The following SMAP2 variants were observed in gnomAD, a reference collection of about 807,000 sequenced individuals.
The protein encoded by SMAP2 is small ArfGAP2.
Under a neutral mutation model 56.4 loss-of-function variants are expected in SMAP2, and 25 were observed. That is an observed-to-expected ratio of 0.44 (90% confidence interval 0.32 to 0.62). The LOEUF (loss-of-function observed/expected upper bound fraction) is 0.62. Ranked by LOEUF, SMAP2 falls within the 20% of genes least tolerant of loss-of-function variation. SMAP2 has a pLI of 0.04. For synonymous variants in SMAP2, 157 were observed against 181.7 expected, an observed-to-expected ratio of 0.86 and a Z score of 1.09; for missense variants, 388 against 545.6, an observed-to-expected ratio of 0.71 and a Z score of 2.88.
In SMAP2 at chr1:40,374,273, G is replaced by C; in HGVS notation, c.103+50G>C. 6.7e-7 allele frequency: 1 copy of C among 1,500,242 alleles called. No individual in the cohort carries two copies. The highest frequency in any genetic ancestry group is 1.4e-5 in the African/African-American group (1 of 72,898). The allele number at this position is 1,500,242 out of a possible 1,614,324, so 92.9% of individuals were successfully genotyped here. On this transcript the variant is annotated intron_variant, in intron 1 of 9. Coordinates refer to ENST00000372718, the MANE Select transcript of SMAP2 (RefSeq NM_022733.3). The surrounding 1 kb of genome is among the most constrained non-coding windows in gnomAD (Gnocchi z 5.9). ...AGGGGTCCAGCCGCGCCGGGGTGGTGGGGGTGGGCTGCGTGAAGAGGCGGT... is the reference window on the plus strand; with the variant it reads ...AGGGGTCCAGCCGCGCCGGGGTGGTCGGGGTGGGCTGCGTGAAGAGGCGGT...
Position 40,406,803 on chromosome 1 carries a change from T to A in SMAP2, c.171T>A (p.Asn57Lys). The A allele has an allele frequency of 6.2e-7, 1 of 1,614,108 alleles. No homozygotes were observed. The highest frequency in any genetic ancestry group is 8.5e-7 in the Non-Finnish European group (1 of 1,179,972). The part of the protein sequence containing the change: ...ICIRCAGIHR[N>K]LGVHISRVKS... ...TTCGATGTGCTGGAATCCACAGGAA[T>A]CTGGGGGTGCACATATCCAGGGTAA... Residue 57 changes from asparagine (N) to lysine (K), a missense_variant, in exon 2 of 10, where the codon AAT (asparagine) becomes AAA (lysine). Transcript: ENST00000372718.
chr1:40,410,493 T>A (rs552871974), intron 4 of SMAP2, among the ~76,000 whole-genome samples: 4 of 151,986 alleles, frequency 2.6e-5, no homozygotes, highest in African/African-American at 9.7e-5. Context: ...CATATATACT[T>A]TTTTCCTGTA....
At chr1:40,345,761 T>C (rs1644382773) in intron 1 of SMAP2, among the ~76,000 whole-genome samples, 1 of 150,914 alleles carries the variant, frequency 6.6e-6, no homozygotes, top group Admixed American at 6.6e-5. Flanking sequence ...TATTGTGTAT[T>C]ATAATATAAC....
chr1:40,415,563 T>G (rs1415676336), intron 7 of SMAP2, among the ~76,000 whole-genome samples, 182 bp downstream of exon 7: 1 of 152,180 alleles, frequency 6.6e-6, no homozygotes, highest in African/African-American at 2.4e-5. Context: ...CATGCCTTTT[T>G]TTCTCCTGCT....
chr1:40,417,782 C>G (rs915266560), intron 9 of SMAP2, among the ~76,000 whole-genome samples: 5 of 152,036 alleles, frequency 3.3e-5, no homozygotes, highest in Admixed American at 2.0e-4. Flanking sequence ...AAGAAAGACA[C>G]GAGAAATGGG....
At chr1:40,415,133 C>T (rs537060694) in intron 6 of SMAP2, 139 bp from the exon 7 acceptor site, 340 of 655,864 alleles carry the variant, frequency 5.2e-4, no homozygotes, top group Non-Finnish European at 8.2e-4. Flanking sequence ...TGAGAAGCCC[C>T]GTCCATGCTA....
At chr1:40,414,422 A>G (rs979698835) in intron 6 of SMAP2, among the ~76,000 whole-genome samples, 182 bp downstream of exon 6, 2 of 152,216 alleles carry the variant, frequency 1.3e-5, no homozygotes, top group Non-Finnish European at 2.9e-5. Flanking sequence ...TTACTGTGAC[A>G]CTTTTCAGAG....
At chr1:40,356,656 C>T (rs768707990) in intron 1 of SMAP2, among the ~76,000 whole-genome samples, 1 of 152,008 alleles carries the variant, frequency 6.6e-6, no homozygotes, top group Non-Finnish European at 1.5e-5. Context: ...GTGAGCCGCC[C>T]GCCTTGGCCT....
At chr1:40,421,306 A>G (rs1187876992) in intron 9 of SMAP2, among the ~76,000 whole-genome samples, 3 of 152,162 alleles carry the variant, frequency 2.0e-5, no homozygotes, top group Non-Finnish European at 4.4e-5. Flanking sequence ...ATTTTTCTCC[A>G]TAAAGTATTT....
intron 1 of SMAP2, among the ~76,000 whole-genome samples, chr1:40,348,692 T>C (rs895042725): frequency 1.3e-5 from 2 of 151,578 alleles, no homozygotes; most frequent in Admixed American, 1.3e-4. Context: ...AAAAAAAAAA[T>C]TAATAAACTT....
At chr1:40,400,126 G>T (rs1192943848) in intron 1 of SMAP2, among the ~76,000 whole-genome samples, 1 of 152,202 alleles carries the variant, frequency 6.6e-6, no homozygotes, top group Non-Finnish European at 1.5e-5. Flanking sequence ...GTGGCATTTG[G>T]CAGTTAGGGA....
chr1:40,373,233 T>G (rs1301696958), upstream of SMAP2, among the ~76,000 whole-genome samples: 8 of 151,954 alleles, frequency 5.3e-5, no homozygotes, highest in Non-Finnish European at 1.5e-5. Context: ...AAGTGAGAGG[T>G]GACCAGAGTC....
At chr1:40,394,327 T>A (rs764918373) in intron 1 of SMAP2, among the ~76,000 whole-genome samples, 1 of 152,202 alleles carries the variant, frequency 6.6e-6, no homozygotes, top group Non-Finnish European at 1.5e-5. Flanking sequence ...CATCATCAGT[T>A]CACTCCATGA....
chr1:40,359,631 G>A (rs1192780461), intron 1 of SMAP2, among the ~76,000 whole-genome samples: 3 of 151,742 alleles, frequency 2.0e-5, no homozygotes, highest in Non-Finnish European at 2.9e-5. Context: ...AGTGAAGGTG[G>A]TTTTCTCTGG....
chr1:40,372,109 G>A (rs548421864), upstream of SMAP2, among the ~76,000 whole-genome samples: 4 of 152,334 alleles, frequency 2.6e-5, no homozygotes, highest in South Asian at 4.1e-4. Flanking sequence ...GGAAGTGTGA[G>A]TCCATCAGAA....
intron 1 of SMAP2, among the ~76,000 whole-genome samples, chr1:40,358,402 G>T (rs185858151): frequency 1.3e-3 from 199 of 152,228 alleles, no homozygotes; most frequent in Non-Finnish European, 2.2e-3. Context: ...AAATTAGCTG[G>T]GCGTGGTGGT....
chr1:40,420,972 C>G (rs952513027), intron 9 of SMAP2, among the ~76,000 whole-genome samples: 1 of 150,408 alleles, frequency 6.6e-6, no homozygotes, highest in African/African-American at 2.4e-5. Flanking sequence ...TTTTGTGGTT[C>G]TGTTAAAGTG....
intron 1 of SMAP2, among the ~76,000 whole-genome samples, chr1:40,387,485 C>T (rs1023640587): frequency 8.5e-5 from 13 of 152,114 alleles, no homozygotes; most frequent in Admixed American, 2.6e-4. Flanking sequence ...GTTGAGCCCA[C>T]GTAGAGATGG....
intron 1 of SMAP2, among the ~76,000 whole-genome samples, chr1:40,379,002 A>G (rs1644569611): frequency 6.8e-6 from 1 of 146,188 alleles, no homozygotes. Context: ...TTTTTGAGAC[A>G]GAGTTTCGCT....
Sources: allele counts gnomAD v4.1 joint callset (sites outside exome capture counted in the v4.1 genomes callset), GRCh38; gene constraint gnomAD v4.1.1; non-coding constraint Gnocchi (gnomAD v3.1); transcripts MANE v1.5; gene names NCBI Gene and HGNC (gene_info 2026-07-23, HGNC 2026-07-21).